OTUD4: variants seen among roughly 807,000 people sequenced by gnomAD.
OTUD4 encodes the protein OTU domain-containing protein 4.
In OTUD4, 24 loss-of-function variants were observed where a neutral mutation model predicts 130.4. The observed-to-expected ratio is 0.18, with a 90% CI of 0.13 to 0.26. OTUD4 has a LOEUF of 0.26. Ranked by LOEUF, OTUD4 falls within the 10% of genes least tolerant of loss-of-function variation. The pLI, the probability that OTUD4 is intolerant of heterozygous loss-of-function variation, is 1.00. For missense variants in OTUD4, 1,031 were observed against 1,329.4 expected (o/e 0.78, Z 3.49); for synonymous variants, 420 against 472.5 (o/e 0.89, Z 1.44).
In OTUD4 at chr4:145,136,976, C is replaced by T. The variant is rs1385789951; in HGVS notation, c.*454G>A. 6.5e-6 allele frequency: 1 copy of T among 153,098 alleles called. No individual in the cohort carries two copies. Among genetic ancestry groups the T allele is most frequent in the African/African-American group, 2.4e-5 (1 of 41,438 alleles). The allele number at this position is 153,098 out of a possible 1,614,324, so 9.5% of individuals were successfully genotyped here. A position where few individuals can be genotyped will look rare whatever the true frequency, so the allele number is the denominator to read the frequency against. On this transcript the variant is annotated 3_prime_UTR_variant, in exon 21 of 21. Transcript: ENST00000447906. ...CTAAGGCATTGCATAATAAAATATACATTTCTATTTGGTGCAACGTTATGT... is the reference window on the plus strand; with the variant it reads ...CTAAGGCATTGCATAATAAAATATATATTTCTATTTGGTGCAACGTTATGT...
intron 11 of OTUD4, 32 bp downstream of exon 11, chr4:145,152,509 A>G (rs202243998): frequency 4.5e-5 from 52 of 1,164,936 alleles, no homozygotes; most frequent in Non-Finnish European, 6.1e-5. Context: ...TGGAGGAGGC[A>G]GTAAATGCCT....
intron 10 of OTUD4, among the ~76,000 whole-genome samples, chr4:145,153,239 C>CAA (rs1170699527): frequency 6.6e-6 from 1 of 152,126 alleles, no homozygotes; most frequent in Non-Finnish European, 1.5e-5. Context: ...AGTAGGAGCA[C>CAA]AATATGTTAA....
chr4:145,146,126 GA>G (rs1750810973), intron 14 of OTUD4, 140 bp downstream of exon 14: 6 of 474,430 alleles, frequency 1.3e-5, no homozygotes, highest in African/African-American at 4.0e-5. Context: ...GGAAAAATAG[GA>G]AAAATGTGAA....
intron 5 of OTUD4, among the ~76,000 whole-genome samples, 168 bp downstream of exon 5, chr4:145,163,986 G>A (rs747961045): frequency 1.3e-5 from 2 of 152,098 alleles, no homozygotes; most frequent in Non-Finnish European, 2.9e-5. Flanking sequence ...GGGATTACAG[G>A]CATGAGCCAC....
intron 1 of OTUD4, among the ~76,000 whole-genome samples, chr4:145,179,177 TAAA>T (rs1018803596): frequency 1.6e-4 from 24 of 152,186 alleles, no homozygotes; most frequent in Non-Finnish European, 2.9e-5. Context: ...CAGGCTTTTT[TAAA>T]AAAGTCAGTT....
chr4:145,167,049 C>A (rs1358329921), intron 3 of OTUD4, among the ~76,000 whole-genome samples: 5 of 151,998 alleles, frequency 3.3e-5, no homozygotes, highest in Non-Finnish European at 1.5e-5. Context: ...GAGGATACAT[C>A]CTAAATTGAC....
At position 145,134,873 on chromosome 4, in the gene OTUD4, T is replaced by G. The variant is rs769311652; in HGVS notation, c.*2557A>C. ...GTCAGTCTGTTCTTCAAAATATGTA[T>G]GATCATAATATGGTGAAGTTTCATA... On this transcript the variant is annotated 3_prime_UTR_variant, in exon 21 of 21. Coordinates refer to ENST00000447906, the MANE Select transcript of OTUD4 (RefSeq NM_001366057.1). The G allele has an allele frequency of 7.5e-6, 3 of 398,966 alleles. No individual in the cohort carries two copies. The highest frequency in any genetic ancestry group is 6.3e-4 in the Middle Eastern group (1 of 1,586). The allele number at this position is 398,966 out of a possible 1,614,324, so 24.7% of individuals were successfully genotyped here.
intron 1 of OTUD4, chr4:145,178,140 A>G (rs920172376): frequency 6.6e-5 from 10 of 152,234 alleles, no homozygotes; most frequent in African/African-American, 2.4e-4. Flanking sequence ...GATGTAACAA[A>G]GAGTTCTTAG....
At chr4:145,156,146 C>CTA in intron 7 of OTUD4, 150 bp from the exon 8 acceptor site, 1 of 572,862 alleles carries the variant, frequency 1.7e-6, no homozygotes, top group Non-Finnish European at 3.1e-6. Context: ...ACAAGTATAT[C>CTA]TATATATAAA....
intron 7 of OTUD4, among the ~76,000 whole-genome samples, chr4:145,158,413 C>CA (rs372587373): frequency 2.8e-4 from 43 of 151,262 alleles, no homozygotes; most frequent in African/African-American, 9.7e-4. Context: ...ACCCAGAAGG[C>CA]AGAGCTTGCA....
chr4:145,151,819 C>T (rs563905773), intron 11 of OTUD4, among the ~76,000 whole-genome samples: 6 of 152,230 alleles, frequency 3.9e-5, no homozygotes, highest in Middle Eastern at 3.4e-3. Context: ...TAAAGCCCAG[C>T]GGCAACTGAA....
intron 10 of OTUD4, 59 bp from the exon 11 acceptor site, chr4:145,152,694 A>T: frequency 1.1e-6 from 1 of 927,896 alleles, no homozygotes; most frequent in East Asian, 2.5e-5. Context: ...CTTCCTTTGC[A>T]TTACTTATCA....
At chr4:145,179,301 C>T (rs1752575688) in intron 1 of OTUD4, among the ~76,000 whole-genome samples, 1 of 152,168 alleles carries the variant, frequency 6.6e-6, no homozygotes, top group South Asian at 2.1e-4. Flanking sequence ...TCTCAAACGG[C>T]AGTTTGCCCA....
Position 145,180,568 on chromosome 4 carries a change from G to A in OTUD4, c.-595C>T, listed in dbSNP as rs1482647254. On this transcript the variant is annotated 5_prime_UTR_variant, in exon 1 of 21. Transcript: ENST00000447906. ...AGCCCAGAATTTGTTTTCGCTTTCG[G>A]CCCGACAGCGGAGAGGACGGCGGGA... is the stretch of plus-strand genomic sequence containing the variant. 6.6e-6 allele frequency among the ~76,000 whole-genome samples: 1 copy of A among 152,216 alleles called. No individual in the cohort carries two copies. Among genetic ancestry groups the A allele is most frequent in the Non-Finnish European group, 1.5e-5 (1 of 68,024 alleles).
intron 1 of OTUD4, among the ~76,000 whole-genome samples, chr4:145,179,040 T>G (rs554290964): frequency 6.6e-6 from 1 of 152,034 alleles, no homozygotes; most frequent in Non-Finnish European, 1.5e-5. Context: ...CAACACACAG[T>G]GTTATATAAC....
chr4:145,139,909 T>C, intron 20 of OTUD4, 42 bp downstream of exon 20: 2 of 631,674 alleles, frequency 3.2e-6, no homozygotes, highest in Non-Finnish European at 5.4e-6. Context: ...TAAAACACTA[T>C]TAATGAATAA....
chr4:145,156,758 C>A (rs1027996967), intron 7 of OTUD4, among the ~76,000 whole-genome samples: 1 of 152,102 alleles, frequency 6.6e-6, no homozygotes, highest in Non-Finnish European at 1.5e-5. Context: ...TTTAAATTCA[C>A]TGTCACATAC....
At chr4:145,150,056 G>A (rs774385669) in intron 13 of OTUD4, among the ~76,000 whole-genome samples, 1 of 152,154 alleles carries the variant, frequency 6.6e-6, no homozygotes, top group African/African-American at 2.4e-5. Flanking sequence ...ACCTAAAATT[G>A]TAGCCCCATT....
rs778532084 is a variant in OTUD4 at position 145,142,267 on chromosome 4, G to A, written c.1751C>T (p.Thr584Ile). ...PLLVSPEVHL[T>I]PAVPSLPATV... ...GGCTGGTAAAGAAGGCACCGCAGGA[G>A]TTAGATGTACCTCTGGAGAAACTAG... The change falls in exon 18 of 21, where the codon ACT becomes ATT. Residue 584 changes from threonine to isoleucine, a missense_variant. By Grantham distance (89) the Thr-to-Ile change is moderately conservative (BLOSUM62 -1). Transcript: ENST00000447906. 2 of 1,613,748 alleles carry A rather than the reference G, an allele frequency of 1.2e-6. No homozygotes were observed. Among genetic ancestry groups the A allele is most frequent in the Non-Finnish European group, 1.7e-6 (2 of 1,179,618 alleles).
Sources: allele counts gnomAD v4.1 joint callset (sites outside exome capture counted in the v4.1 genomes callset), GRCh38; gene constraint gnomAD v4.1.1; transcripts MANE v1.5; gene names NCBI Gene and HGNC (gene_info 2026-07-23, HGNC 2026-07-21).